The following WDFY4 variants were observed in gnomAD, a reference collection of about 807,000 sequenced individuals.
WDFY4 encodes WDFY family member 4, also known as WD repeat- and FYVE domain-containing protein 4.
WDFY4 carries 169 observed loss-of-function variants against 351.9 expected under a neutral mutation model. The observed-to-expected ratio is 0.48, with a 90% CI of 0.42 to 0.55. The LOEUF is 0.55. Among genes scored for constraint, WDFY4 ranks in the 20% least tolerant of loss-of-function variants. The probability of loss-of-function intolerance (pLI) is 0.00; values close to 1 mark genes in which losing one functional copy is unlikely to be tolerated. For missense variants in WDFY4, 3,803 were observed against 3,935.6 expected (o/e 0.97, Z 0.90); for synonymous variants, 1,622 against 1,574.6 (o/e 1.03, Z -0.71).
chr10:48,876,956 A>G, intron 42 of WDFY4, 77 bp from the exon 43 acceptor site: 1 of 1,344,366 alleles, frequency 7.4e-7, no homozygotes, highest in South Asian at 1.7e-5. Flanking sequence ...TTGGTGATGT[A>G]GGCACATGCT....
intron 43 of WDFY4, among the ~76,000 whole-genome samples, chr10:48,879,840 T>C (rs112344494): frequency 2.0e-5 from 3 of 152,244 alleles, no homozygotes; most frequent in Admixed American, 6.5e-5. Context: ...CAGTGGGTGG[T>C]ACCCTTCTCA....
At chr10:48,742,147 T>C (rs756031275) in intron 11 of WDFY4, among the ~76,000 whole-genome samples, 9 of 151,794 alleles carry the variant, frequency 5.9e-5, no homozygotes, top group Non-Finnish European at 1.2e-4. Context: ...TCAAGAAAGG[T>C]TTGATTTTAG....
chr10:48,827,743 T>C (rs780697077), intron 36 of WDFY4, among the ~76,000 whole-genome samples: 2 of 151,388 alleles, frequency 1.3e-5, no homozygotes, highest in Non-Finnish European at 2.9e-5. Context: ...CATCCTGTAG[T>C]GTTGACTACT....
chr10:48,696,310 C>T (rs1258342039), intron 1 of WDFY4, among the ~76,000 whole-genome samples: 3 of 152,346 alleles, frequency 2.0e-5, no homozygotes, highest in African/African-American at 7.2e-5. Context: ...CCATGCAGGG[C>T]CCACAGGGAA....
intron 47 of WDFY4, among the ~76,000 whole-genome samples, chr10:48,913,175 G>T (rs1274526147): frequency 6.6e-6 from 1 of 152,182 alleles, no homozygotes; most frequent in Non-Finnish European, 1.5e-5. Flanking sequence ...GTGAGTGTGT[G>T]TGCAGAGGAC....
intron 47 of WDFY4, among the ~76,000 whole-genome samples, chr10:48,915,728 C>G (rs894885772): frequency 6.6e-6 from 1 of 152,270 alleles, no homozygotes; most frequent in Admixed American, 6.5e-5. Flanking sequence ...AGGGTCCTAC[C>G]CTGCGAAAGG....
chr10:48,810,550 T>C lies in WDFY4; in HGVS notation c.4859T>C (p.Leu1620Pro). 6.4e-7 allele frequency: 1 copy of C among 1,551,598 alleles called. No homozygotes were observed. Among genetic ancestry groups the C allele is most frequent in the Non-Finnish European group, 8.7e-7 (1 of 1,146,944 alleles). The change falls in exon 29 of 62, where the codon CTG (leucine) becomes CCG (proline). Residue 1620 changes from leucine (L) to proline (P), a missense_variant. By Grantham distance (98) the Leu-to-Pro change is moderately conservative. This residue lies in a region of WDFY4 where 3,054 missense variants were observed against 3,148.6 expected (regional missense o/e 0.97). Coordinates refer to ENST00000325239, the MANE Select transcript of WDFY4 (RefSeq NM_001394531.1). ...CCCAGGTCAAAGGAAGAGATGTTTC[T>C]GAAACTGGGGCCTGACTGGTTCCTG... ...LSSESKEEMF[L>P]KLGPDWFLLL...
chr10:48,803,386 G>A lies in WDFY4; in HGVS notation c.4484+27G>A, dbSNP rs1300001528. 9.0e-6 allele frequency: 14 copies of A among 1,549,418 alleles called. No individual in the cohort carries two copies. The Admixed American group carries it at 2.2e-4, about 24-fold the overall frequency. ...TAGGCTGGGTCTTGGCAGCCTGGGG[G>A]TTAGAACTGAAGGCTGAATGTCCAG... On this transcript the variant is annotated intron_variant, in intron 25 of 61. Transcript: ENST00000325239.
At chr10:48,979,962 G>A (rs906721337) in intron 60 of WDFY4, 6 of 152,148 alleles carry the variant, frequency 3.9e-5, no homozygotes, top group African/African-American at 1.4e-4. Flanking sequence ...GGTCATTATT[G>A]TCATTTTTGC....
At chr10:48,884,632 C>T (rs2070384561) in intron 43 of WDFY4, among the ~76,000 whole-genome samples, 1 of 152,174 alleles carries the variant, frequency 6.6e-6, no homozygotes, top group South Asian at 2.1e-4. Context: ...CACACATACA[C>T]ACCCCTCTGA....
chr10:48,883,420 A>G (rs1209419975), intron 43 of WDFY4, among the ~76,000 whole-genome samples: 1 of 152,016 alleles, frequency 6.6e-6, no homozygotes, highest in Non-Finnish European at 1.5e-5. Context: ...TACTCTCTAC[A>G]TTCCCCAGGC....
At chr10:48,910,719 G>A (rs1346064206) in intron 47 of WDFY4, among the ~76,000 whole-genome samples, 1 of 152,174 alleles carries the variant, frequency 6.6e-6, no homozygotes, top group African/African-American at 2.4e-5. Flanking sequence ...TTCCTGAGAT[G>A]TGTGATAAGA....
intron 13 of WDFY4, among the ~76,000 whole-genome samples, chr10:48,768,298 G>A (rs1450744387): frequency 2.6e-5 from 4 of 152,164 alleles, no homozygotes; most frequent in African/African-American, 9.7e-5. Flanking sequence ...TCTATGCACA[G>A]TGTTTGCCTT....
At chr10:48,699,076 C>T (rs2063409077) in intron 1 of WDFY4, among the ~76,000 whole-genome samples, 1 of 152,226 alleles carries the variant, frequency 6.6e-6, no homozygotes, top group Non-Finnish European at 1.5e-5. Flanking sequence ...GTCTCCATTT[C>T]CTCCTCCACA....
chr10:48,828,923 T>TG (rs1397306879), intron 37 of WDFY4, 27 bp downstream of exon 37: 2 of 5,024 alleles, frequency 4.0e-4, no homozygotes, highest in Non-Finnish European at 9.3e-4. Flanking sequence ...ATTGTGTGTG[T>TG]GGGCGGGGGG....
intron 47 of WDFY4, among the ~76,000 whole-genome samples, chr10:48,911,726 A>G (rs909588903): frequency 6.6e-6 from 1 of 152,252 alleles, no homozygotes; most frequent in Non-Finnish European, 1.5e-5. Flanking sequence ...CAGCTGACAT[A>G]CTGTAGAATG....
At chr10:48,919,718 C>G (rs1358696245) in intron 47 of WDFY4, among the ~76,000 whole-genome samples, 1 of 152,188 alleles carries the variant, frequency 6.6e-6, no homozygotes, top group Non-Finnish European at 1.5e-5. Flanking sequence ...TATGAAGTCT[C>G]CACCCTCAAG....
At chr10:48,948,967 G>A (rs559324163) in intron 51 of WDFY4, among the ~76,000 whole-genome samples, 1 of 152,372 alleles carries the variant, frequency 6.6e-6, no homozygotes, top group African/African-American at 2.4e-5. Flanking sequence ...CCACTTTGAA[G>A]CTAATCACTG....
chr10:48,756,555 G>T (rs1202113385), intron 12 of WDFY4, among the ~76,000 whole-genome samples: 5 of 152,012 alleles, frequency 3.3e-5, no homozygotes, highest in Non-Finnish European at 7.4e-5. Context: ...ATCTTAGGGA[G>T]AAAGTCTTCA....
Sources: gnomAD v4.1 joint callset for allele counts (sites outside exome capture counted in the v4.1 genomes callset) on GRCh38, gnomAD v4.1.1 for gene constraint, gnomAD v4.1.1 regional missense constraint, MANE v1.5 for transcripts, NCBI Gene and HGNC (gene_info 2026-07-23, HGNC 2026-07-21) for gene names.